MCMDC2: variants seen among roughly 807,000 people sequenced by gnomAD.
The protein encoded by MCMDC2 is minichromosome maintenance domain containing 2, also known as minichromosome maintenance domain-containing protein 2.
MCMDC2 carries 54 observed loss-of-function variants against 75.8 expected under a neutral mutation model. The ratio of observed to expected loss-of-function variants is 0.71; its 90% CI spans 0.57 to 0.89. The LOEUF (loss-of-function observed/expected upper bound fraction) is 0.89, where lower values mean the gene tolerates loss of function less well. Ranked by LOEUF, MCMDC2 falls within the 40% of genes least tolerant of loss-of-function variation. The pLI is 0.00. For missense variants in MCMDC2, 656 were observed against 780.4 expected (o/e 0.84, Z 1.90); for synonymous variants, 249 against 274.6 (o/e 0.91, Z 0.92).
Position 66,905,341 on chromosome 8 carries a change from G to T in MCMDC2, c.1879+6G>T. On this transcript the variant is annotated splice_donor_region_variant and intron_variant, in intron 14 of 14. Transcript: ENST00000422365. ...ATCCCTCACATTGAAATATGGTAAT[G>T]AATTAAATTATTAATGATCACTACA... 1 of 1,448,558 alleles carries T rather than the reference G, an allele frequency of 6.9e-7. No individual in the cohort carries two copies. Among genetic ancestry groups the T allele is most frequent in the Non-Finnish European group, 9.1e-7 (1 of 1,096,706 alleles). 89.7% of individuals were successfully genotyped at this position (1,448,558 alleles called of 1,614,324 possible).
At chr8:66,913,528 T>C (rs1813192312) in intron 14 of MCMDC2, among the ~76,000 whole-genome samples, 1 of 152,232 alleles carries the variant, frequency 6.6e-6, no homozygotes, top group Non-Finnish European at 1.5e-5. Flanking sequence ...AACTAAATAT[T>C]CGTGATCTTT....
chr8:66,879,190 A>C (rs1192000681), intron 7 of MCMDC2, among the ~76,000 whole-genome samples: 1 of 152,178 alleles, frequency 6.6e-6, no homozygotes, highest in East Asian at 1.9e-4. Flanking sequence ...AGGATCGCCT[A>C]AGCCCAGGAG....
chr8:66,882,180 T>C (rs1029790130), intron 8 of MCMDC2, among the ~76,000 whole-genome samples: 5 of 152,056 alleles, frequency 3.3e-5, no homozygotes, highest in African/African-American at 1.2e-4. Flanking sequence ...TAGGAATTGA[T>C]ATAAGGACAG....
chr8:66,915,008 G>T (rs1813252630), intron 14 of MCMDC2, among the ~76,000 whole-genome samples: 1 of 152,098 alleles, frequency 6.6e-6, no homozygotes, highest in African/African-American at 2.4e-5. Flanking sequence ...AGAGCTGGGA[G>T]AAAAATCAAA....
downstream of MCMDC2, among the ~76,000 whole-genome samples, chr8:66,926,045 A>G (rs1813706203): frequency 6.6e-6 from 1 of 152,102 alleles, no homozygotes; most frequent in Non-Finnish European, 1.5e-5. Flanking sequence ...GCTACCCGGA[A>G]GCTGAGGCAC....
Position 66,898,548 on chromosome 8 carries a change from C to T in MCMDC2, c.1626+1589C>T, listed in dbSNP as rs539807586. ...ATGAGGCAGGAGAATCGCTTGAACC[C>T]GGAAGGCGGAGGTTGAGGTGAGCCG... On this transcript the variant is annotated intron_variant, in intron 12 of 14. Transcript: ENST00000422365. Among the ~76,000 whole-genome samples the T allele has an allele frequency of 1.1e-4, 16 of 149,872 alleles. No homozygotes were observed. In the East Asian group the frequency reaches 2.9e-3, roughly 28 times the overall value.
intron 7 of MCMDC2, among the ~76,000 whole-genome samples, chr8:66,879,799 G>A (rs1378811459): frequency 6.6e-6 from 1 of 152,114 alleles, no homozygotes; most frequent in East Asian, 1.9e-4. Context: ...CTAAGTCCCA[G>A]GGTCACAGTT....
chr8:66,902,378 A>G (rs1812704741), intron 13 of MCMDC2, among the ~76,000 whole-genome samples: 2 of 151,060 alleles, frequency 1.3e-5, no homozygotes, highest in South Asian at 4.2e-4. Context: ...TGACAGAGTG[A>G]AACCCCCTTC....
At position 66,916,946 on chromosome 8, in the gene MCMDC2, G is replaced by A. The variant is rs1222539925; in HGVS notation, c.1880-2057G>A. 2.6e-5 allele frequency among the ~76,000 whole-genome samples: 4 copies of A among 152,174 alleles called. No individual in the cohort carries two copies. In the East Asian group the frequency reaches 5.8e-4, roughly 22 times the overall value. On this transcript the variant is annotated intron_variant, in intron 14 of 14. Transcript: ENST00000422365. ...AATCACTGAATGTCAGGTATTAGGGGAGAAAGGAAGATTTTGAGCAAAGTG... is the reference window on the plus strand; with the variant it reads ...AATCACTGAATGTCAGGTATTAGGGAAGAAAGGAAGATTTTGAGCAAAGTG...
chr8:66,919,186 T>C lies in MCMDC2; in HGVS notation c.*17T>C, dbSNP rs1444355286. On this transcript the variant is annotated 3_prime_UTR_variant, in exon 15 of 15. Transcript: ENST00000422365. ...GATGAATAAGCAATTTGAGGAATTT[T>C]TGTTCATTCCTACTTAAGCAGTGGA... The C allele has an allele frequency of 1.3e-6, 2 of 1,532,680 alleles. No individual in the cohort carries two copies. The highest frequency in any genetic ancestry group is 1.4e-5 in the African/African-American group (1 of 72,170). 94.9% of individuals were successfully genotyped at this position (1,532,680 alleles called of 1,614,324 possible).
intron 14 of MCMDC2, among the ~76,000 whole-genome samples, chr8:66,915,715 C>T (rs1373520837): frequency 6.6e-6 from 1 of 151,736 alleles, no homozygotes; most frequent in Non-Finnish European, 1.5e-5. Flanking sequence ...ATTTAGGGAT[C>T]ACCAGCATAG....
chr8:66,922,070 T>C (rs1256877807), downstream of MCMDC2: 1 of 152,850 alleles, frequency 6.5e-6, no homozygotes, highest in Non-Finnish European at 1.5e-5. Flanking sequence ...TCATGTTTTC[T>C]TGAACACGTC....
intron 8 of MCMDC2, among the ~76,000 whole-genome samples, chr8:66,882,991 A>G (rs1456729050): frequency 6.6e-6 from 1 of 152,228 alleles, no homozygotes; most frequent in East Asian, 1.9e-4. Flanking sequence ...GCTGGACTAA[A>G]GTAGGCCTCT....
At chr8:66,882,255 G>GTGCTCT (rs1213325575) in intron 8 of MCMDC2, among the ~76,000 whole-genome samples, 1 of 152,248 alleles carries the variant, frequency 6.6e-6, no homozygotes. Context: ...TGGTAAGTAT[G>GTGCTCT]TGCTCTTGCA....
In MCMDC2 at chr8:66,877,557, T is replaced by C; in HGVS notation, c.481+13T>C. 4 of 1,582,186 alleles carry C rather than the reference T, an allele frequency of 2.5e-6. No homozygotes were observed. Among genetic ancestry groups the C allele is most frequent in the Non-Finnish European group, 3.4e-6 (4 of 1,166,472 alleles). On this transcript the variant is annotated intron_variant, in intron 5 of 14. Transcript: ENST00000422365. Reference sequence around the variant, plus strand: ...CCTCTTTCAAAAGGTAAATGTTAAATAGGAAAATCAAAGCATTAAGCAATT... The same window carrying C: ...CCTCTTTCAAAAGGTAAATGTTAAACAGGAAAATCAAAGCATTAAGCAATT...
At chr8:66,875,531 G>A (rs752723093) in intron 4 of MCMDC2, among the ~76,000 whole-genome samples, 13 of 152,046 alleles carry the variant, frequency 8.6e-5, no homozygotes, top group Non-Finnish European at 1.6e-4. Context: ...CACCCGCCTC[G>A]GCCTCCCAAA....
intron 14 of MCMDC2, among the ~76,000 whole-genome samples, chr8:66,907,579 G>A (rs544537368): frequency 1.3e-5 from 2 of 152,258 alleles, no homozygotes; most frequent in Non-Finnish European, 2.9e-5. Context: ...AATCCTTTGG[G>A]TATATACCCA....
intron 10 of MCMDC2, among the ~76,000 whole-genome samples, chr8:66,893,094 G>T (rs1447682552): frequency 2.0e-5 from 3 of 152,220 alleles, no homozygotes; most frequent in African/African-American, 7.2e-5. Context: ...TTTATAACTA[G>T]CAAGGATATG....
chr8:66,885,793 C>T (rs1354732058), intron 9 of MCMDC2, among the ~76,000 whole-genome samples: 1 of 152,202 alleles, frequency 6.6e-6, no homozygotes, highest in African/African-American at 2.4e-5. Flanking sequence ...CAGTTCCTAT[C>T]TTCACTGGTG....
Sources: allele counts gnomAD v4.1 joint callset (sites outside exome capture counted in the v4.1 genomes callset), GRCh38; gene constraint gnomAD v4.1.1; transcripts MANE v1.5; gene names NCBI Gene and HGNC (gene_info 2026-07-23, HGNC 2026-07-21).